The following CADPS2 variants were observed in gnomAD, a reference collection of about 807,000 sequenced individuals.
The protein encoded by CADPS2 is calcium dependent secretion activator 2.
A neutral mutation model predicts 172.5 loss-of-function variants in CADPS2; 93 were observed. The ratio of observed to expected loss-of-function variants is 0.54; its 90% CI spans 0.46 to 0.64. The LOEUF (loss-of-function observed/expected upper bound fraction) is 0.64. CADPS2 is among the 30% of genes least tolerant of loss of function. The pLI is 0.00. For synonymous variants in CADPS2, 546 were observed against 555.2 expected (o/e 0.98, Z 0.23); for missense variants, 1,420 against 1,565.9 (o/e 0.91, Z 1.57).
chr7:122,445,923 T>C (rs2052128904), intron 15 of CADPS2, among the ~76,000 whole-genome samples: 1 of 152,222 alleles, frequency 6.6e-6, no homozygotes, highest in Non-Finnish European at 1.5e-5. Context: ...CAAATAAAGA[T>C]AGTTTTGCTT....
intron 15 of CADPS2, among the ~76,000 whole-genome samples, chr7:122,447,138 T>A (rs920943201): frequency 2.7e-5 from 4 of 150,384 alleles, no homozygotes; most frequent in African/African-American, 9.8e-5. Flanking sequence ...AGGGGTTAGA[T>A]CTAAATTCAG....
At position 122,538,850 on chromosome 7, in the gene CADPS2, T is replaced by G. The variant is rs1452696995; in HGVS notation, c.1475+15700A>C. On this transcript the variant is annotated intron_variant, in intron 8 of 29. Coordinates refer to ENST00000449022, the MANE Select transcript of CADPS2 (RefSeq NM_017954.11). ...GGAACACTATTTATAACGATGGGAG[T>G]TGGAGACAATTCAGGTGTTTATCAT... 4.6e-5 allele frequency among the ~76,000 whole-genome samples: 7 copies of G among 151,768 alleles called. No homozygotes were observed. In the Admixed American group the frequency reaches 4.6e-4, roughly 10 times the overall value.
intron 5 of CADPS2, among the ~76,000 whole-genome samples, chr7:122,619,720 G>T (rs2075363581): frequency 6.6e-6 from 1 of 152,094 alleles, no homozygotes; most frequent in Non-Finnish European, 1.5e-5. Context: ...TTAAAAAACA[G>T]AAAAAGTTGA....
chr7:122,826,029 G>A (rs1804776755), intron 1 of CADPS2, among the ~76,000 whole-genome samples: 1 of 152,162 alleles, frequency 6.6e-6, no homozygotes. Context: ...TGTGTCCATG[G>A]AGACAACATG....
chr7:122,360,325 C>T (rs2151127605), intron 27 of CADPS2, among the ~76,000 whole-genome samples: 1 of 152,198 alleles, frequency 6.6e-6, no homozygotes, highest in South Asian at 2.1e-4. Context: ...CCCAAGAATT[C>T]TATGAAACAA....
intron 8 of CADPS2, among the ~76,000 whole-genome samples, chr7:122,528,300 T>C (rs1193509238): frequency 1.3e-5 from 2 of 152,158 alleles, no homozygotes; most frequent in East Asian, 3.9e-4. Context: ...TATATCTTTT[T>C]CTAAAATGAA....
rs552084869 is a variant in CADPS2 at position 122,645,447 on chromosome 7, A to G, written c.787-16119T>C. ...TGTGTGTATATATGTATATATACAC[A>G]CACATATGTATATATGTGTATATAT... On this transcript the variant is annotated intron_variant, in intron 3 of 29. Coordinates refer to ENST00000449022, the MANE Select transcript of CADPS2 (RefSeq NM_017954.11). Among the ~76,000 whole-genome samples, 33 of 101,420 alleles carry G rather than the reference A, an allele frequency of 3.3e-4. 1 individual carries two copies. The highest frequency in any genetic ancestry group is 1.0e-3 in the African/African-American group (30 of 29,174). 66.5% of individuals were successfully genotyped at this position (101,420 alleles called of 152,430 possible).
chr7:122,492,186 G>GAATA (rs1040590713), intron 9 of CADPS2, among the ~76,000 whole-genome samples: 5 of 151,158 alleles, frequency 3.3e-5, no homozygotes, highest in Admixed American at 6.6e-5. Context: ...ATAAATAAAT[G>GAATA]AATAAATAAA....
At chr7:122,617,076 TTAAA>T (rs2133900901) in intron 5 of CADPS2, among the ~76,000 whole-genome samples, 2 of 152,284 alleles carry the variant, frequency 1.3e-5, no homozygotes, top group East Asian at 3.9e-4. Flanking sequence ...TGCAGTGTGT[TTAAA>T]TAACCCAAAT....
chr7:122,493,227 C>T (rs772236617), intron 9 of CADPS2, among the ~76,000 whole-genome samples: 36 of 152,096 alleles, frequency 2.4e-4, no homozygotes, highest in Non-Finnish European at 4.7e-4. Context: ...GTTGGAAAAA[C>T]GGGCAAAAGA....
At chr7:122,602,436 A>G (rs1179871590) in intron 6 of CADPS2, among the ~76,000 whole-genome samples, 1 of 152,190 alleles carries the variant, frequency 6.6e-6, no homozygotes, top group South Asian at 2.1e-4. Context: ...CTGAAGCTAT[A>G]CATAAGTCAC....
intron 5 of CADPS2, among the ~76,000 whole-genome samples, chr7:122,616,259 T>C (rs552476303): frequency 6.6e-6 from 1 of 152,192 alleles, no homozygotes; most frequent in East Asian, 1.9e-4. Flanking sequence ...GCACAAACAA[T>C]AATAAAACTC....
chr7:122,395,390 T>C (rs1461245143), intron 20 of CADPS2: 4 of 152,202 alleles, frequency 2.6e-5, no homozygotes, highest in Non-Finnish European at 5.9e-5. Context: ...CATTTCCCAT[T>C]AAATTGTGAA....
intron 1 of CADPS2, among the ~76,000 whole-genome samples, chr7:122,749,160 C>G (rs1371910818): frequency 6.6e-6 from 1 of 152,150 alleles, no homozygotes; most frequent in Non-Finnish European, 1.5e-5. Flanking sequence ...CATCCTCCTT[C>G]TGTCATATTT....
chr7:122,679,265 T>TG (rs59410664), intron 2 of CADPS2, among the ~76,000 whole-genome samples: 12,064 of 39,098 alleles, frequency 0.31, 3,934 homozygotes, highest in Non-Finnish European at 0.42. Flanking sequence ...AATGCATTCC[T>TG]GGGGGGGGGG....
chr7:122,588,039 C>A (rs1404645503), intron 6 of CADPS2, among the ~76,000 whole-genome samples: 1 of 151,898 alleles, frequency 6.6e-6, no homozygotes, highest in Non-Finnish European at 1.5e-5. Flanking sequence ...ATGTCCTTTG[C>A]CCACTTTTAA....
chr7:122,636,472 T>TG (rs926226985), intron 3 of CADPS2, among the ~76,000 whole-genome samples: 1 of 147,372 alleles, frequency 6.8e-6, no homozygotes, highest in African/African-American at 2.5e-5. Context: ...GTTTTTTTTT[T>TG]TTTTTTTTTT....
intron 1 of CADPS2, among the ~76,000 whole-genome samples, chr7:122,786,743 C>A (rs1794138758): frequency 6.6e-6 from 1 of 152,126 alleles, no homozygotes; most frequent in East Asian, 1.9e-4. Flanking sequence ...CAATAAAGCA[C>A]CACCATATCC....
At chr7:122,762,303 G>C (rs1271044864) in intron 1 of CADPS2, among the ~76,000 whole-genome samples, 1 of 151,946 alleles carries the variant, frequency 6.6e-6, no homozygotes, top group Non-Finnish European at 1.5e-5. Flanking sequence ...TCCAGAAAGA[G>C]AGAAGAGAAA....
Sources: allele counts gnomAD v4.1 joint callset (sites outside exome capture counted in the v4.1 genomes callset), GRCh38; gene constraint gnomAD v4.1.1; transcripts MANE v1.5; gene names NCBI Gene and HGNC (gene_info 2026-07-23, HGNC 2026-07-21).